Variants in FTO observed in about 807,000 individuals in gnomAD.
FTO encodes the protein alpha-ketoglutarate-dependent dioxygenase FTO.
FTO carries 47 observed loss-of-function variants against 63.9 expected under a neutral mutation model. That is an observed-to-expected ratio of 0.74 (90% CI 0.58 to 0.94). The LOEUF is 0.94. Among genes scored for constraint, FTO ranks in the 40% least tolerant of loss-of-function variants. The pLI is 0.00. For missense variants in FTO, 562 were observed against 618.1 expected, an observed-to-expected ratio of 0.91 and a Z score of 0.96; for synonymous variants, 207 against 224.4, an observed-to-expected ratio of 0.92 and a Z score of 0.69.
At chr16:53,859,816 G>A (rs1284458777) in intron 4 of FTO, among the ~76,000 whole-genome samples, 2 of 152,276 alleles carry the variant, frequency 1.3e-5, no homozygotes, top group East Asian at 3.9e-4. Context: ...GGAGAGAAGG[G>A]AACCCTTGTA....
chr16:54,030,940 A>G (rs533817614), intron 8 of FTO, among the ~76,000 whole-genome samples: 1 of 152,344 alleles, frequency 6.6e-6, no homozygotes, highest in South Asian at 2.1e-4. Context: ...GCCTTAAAAT[A>G]TTAAGAAACT....
intron 3 of FTO, among the ~76,000 whole-genome samples, chr16:53,838,440 A>G (rs1489990199): frequency 6.6e-6 from 1 of 151,932 alleles, no homozygotes; most frequent in Non-Finnish European, 1.5e-5. Flanking sequence ...CCTTCTGAGT[A>G]GCTGGGATTA....
intron 8 of FTO, among the ~76,000 whole-genome samples, chr16:54,109,763 G>T (rs373968782): frequency 1.3e-5 from 2 of 152,182 alleles, no homozygotes; most frequent in African/African-American, 4.8e-5. Context: ...GCTTCGATAT[G>T]TTTCATACTT....
intron 8 of FTO, among the ~76,000 whole-genome samples, chr16:53,969,449 AT>A (rs1285179262): frequency 1.3e-5 from 2 of 151,828 alleles, no homozygotes; most frequent in Non-Finnish European, 2.9e-5. Flanking sequence ...TTACTTGCTT[AT>A]TTTTTGGGGG....
intron 4 of FTO, among the ~76,000 whole-genome samples, chr16:53,860,126 C>T (rs1357438623): frequency 3.3e-5 from 5 of 152,030 alleles, no homozygotes; most frequent in Admixed American, 6.5e-5. Context: ...CATATCCACA[C>T]ATAATGAAAT....
Position 53,746,734 on chromosome 16 carries a change from T to C in FTO, c.45+42505T>C, listed in dbSNP as rs536530608. Among the ~76,000 whole-genome samples, 8 of 152,314 alleles carry C rather than the reference T, an allele frequency of 5.3e-5. No individual in the cohort carries two copies. In the East Asian group the frequency reaches 1.5e-3, roughly 29 times the overall value. On this transcript the variant is annotated intron_variant, in intron 1 of 8. Coordinates refer to ENST00000471389, the MANE Select transcript of FTO (RefSeq NM_001080432.3). ...ATGAACTCTTGGTGATTTTGAAATA[T>C]ATAATATGTTATTATTTACTATATT...
chr16:53,981,675 C>G (rs533753665), intron 8 of FTO: 2 of 152,124 alleles, frequency 1.3e-5, no homozygotes, highest in African/African-American at 4.8e-5. Flanking sequence ...TTTGGGAGGC[C>G]GAGGCGGGCA....
At position 53,904,842 on chromosome 16, in the gene FTO, ATCATT is replaced by A. The variant is rs1229483832; in HGVS notation, c.1239+15893_1239+15897del. Among the ~76,000 whole-genome samples, 11 of 151,972 alleles carry A rather than the reference ATCATT, an allele frequency of 7.2e-5. 1 individual carries two copies. Among genetic ancestry groups the A allele is most frequent in the African/African-American group, 2.7e-4 (11 of 41,448 alleles). ...CCTCCACCTGTCAGTCTTCATTAGGATCATTTAAACACTGACTCATTCTCTGCTCT... is the reference window on the plus strand; with the variant it reads ...CCTCCACCTGTCAGTCTTCATTAGGATAAACACTGACTCATTCTCTGCTCT... On this transcript the variant is annotated intron_variant, in intron 7 of 8. Transcript: ENST00000471389.
At chr16:54,080,625 A>T (rs1244585188) in intron 8 of FTO, among the ~76,000 whole-genome samples, 1 of 152,158 alleles carries the variant, frequency 6.6e-6, no homozygotes, top group Non-Finnish European at 1.5e-5. Context: ...AGGCTGAAGG[A>T]CCCATCACCC....
intron 3 of FTO, among the ~76,000 whole-genome samples, chr16:53,832,380 CT>C (rs756857364): frequency 4.3e-4 from 65 of 152,298 alleles, no homozygotes; most frequent in Non-Finnish European, 7.6e-4. Flanking sequence ...CCTTGTGCCC[CT>C]TTGCAATTCC....
chr16:53,739,974 C>T (rs907559599), intron 1 of FTO, among the ~76,000 whole-genome samples: 2 of 152,150 alleles, frequency 1.3e-5, no homozygotes, highest in East Asian at 1.9e-4. Context: ...AGAAGTACCA[C>T]GAGGCAAACT....
intron 1 of FTO, among the ~76,000 whole-genome samples, chr16:53,724,726 G>A (rs1028947180): frequency 6.6e-6 from 1 of 152,098 alleles, no homozygotes; most frequent in African/African-American, 2.4e-5. Flanking sequence ...ACCATTTCAT[G>A]TCTGGTCAGT....
At chr16:53,990,383 A>G (rs1286914297) in intron 8 of FTO, among the ~76,000 whole-genome samples, 2 of 152,148 alleles carry the variant, frequency 1.3e-5, no homozygotes, top group African/African-American at 2.4e-5. Context: ...AGAGTCCTAA[A>G]GCCAGTAAAG....
chr16:53,748,461 T>C (rs987718599), intron 1 of FTO, among the ~76,000 whole-genome samples: 4 of 152,136 alleles, frequency 2.6e-5, no homozygotes, highest in Non-Finnish European at 5.9e-5. Flanking sequence ...ATTTTATTTA[T>C]TTATTTATTT....
chr16:53,913,542 GC>G (rs2081771812), intron 7 of FTO, among the ~76,000 whole-genome samples: 1 of 152,190 alleles, frequency 6.6e-6, no homozygotes, highest in South Asian at 2.1e-4. Flanking sequence ...TATTTGACAA[GC>G]AAAACTTTCC....
At chr16:53,877,334 A>T (rs187601940) in intron 5 of FTO, among the ~76,000 whole-genome samples, 30 of 152,374 alleles carry the variant, frequency 2.0e-4, no homozygotes, top group African/African-American at 5.3e-4. Flanking sequence ...AACGTGGCAT[A>T]TCCATACAGT....
intron 8 of FTO, among the ~76,000 whole-genome samples, chr16:54,096,440 T>G (rs2144577066): frequency 6.6e-6 from 1 of 152,330 alleles, no homozygotes; most frequent in East Asian, 1.9e-4. Flanking sequence ...CATATAATTG[T>G]GCTCCTGTCA....
intron 8 of FTO, among the ~76,000 whole-genome samples, chr16:54,095,508 T>A (rs991636313): frequency 1.3e-5 from 2 of 151,922 alleles, no homozygotes; most frequent in African/African-American, 4.8e-5. Context: ...ATTATCTTGA[T>A]ATTTATTTGC....
rs1173373435 is a variant in FTO, at chr16:54,113,140, T to G, written c.*1225T>G. The stretch of plus-strand genomic sequence containing the variant: ...TATCCAGGAAATTCTGGTACTGTTA[T>G]GTGTGGGTGAGCTGACCTGGATGTA... On this transcript the variant is annotated 3_prime_UTR_variant, in exon 9 of 9. Transcript: ENST00000471389. 6.6e-6 allele frequency: 1 copy of G among 152,224 alleles called. No individual in the cohort carries two copies. Among genetic ancestry groups the G allele is most frequent in the Non-Finnish European group, 1.5e-5 (1 of 68,052 alleles). 9.4% of individuals were successfully genotyped at this position (152,224 alleles called of 1,614,324 possible).
Sources: gnomAD v4.1 joint callset for allele counts (sites outside exome capture counted in the v4.1 genomes callset) on GRCh38, gnomAD v4.1.1 for gene constraint, MANE v1.5 for transcripts, NCBI Gene and HGNC (gene_info 2026-07-23, HGNC 2026-07-21) for gene names.